IL15: variants seen among roughly 807,000 people sequenced by gnomAD.
The protein encoded by IL15 is interleukin-15.
Under a neutral mutation model 19.6 loss-of-function variants are expected in IL15, and 11 were observed. The ratio of observed to expected loss-of-function variants is 0.56; its 90% CI spans 0.35 to 0.93. The LOEUF (loss-of-function observed/expected upper bound fraction) is 0.93, where lower values mean the gene tolerates loss of function less well. IL15 is among the 40% of genes least tolerant of loss of function. The pLI is 0.01. For missense variants in IL15, 197 were observed against 186.5 expected, an observed-to-expected ratio of 1.06 and a Z score of -0.33; for synonymous variants, 58 against 59.6, an observed-to-expected ratio of 0.97 and a Z score of 0.12.
rs1319648846 is a variant in IL15, at chr4:141,720,507, G to A, written c.51G>A (p.Leu17=). ...HLRSISIQCY[L]CLLLNSHFLT... is the part of the protein sequence containing the mutation. ...GAAGTATTTCCATCCAGTGCTACTT[G>A]TGTTTACTTCTAAACAGTCATTTTC... The change falls in exon 4 of 8, where the codon TTG becomes TTA. Residue 17 remains leucine, a synonymous_variant. Coordinates refer to ENST00000320650, the MANE Select transcript of IL15 (RefSeq NM_000585.5). 1.2e-6 allele frequency: 2 copies of A among 1,600,790 alleles called. No homozygotes were observed. The highest frequency in any genetic ancestry group is 2.2e-5 in the South Asian group (2 of 90,662).
intron 2 of IL15, among the ~76,000 whole-genome samples, chr4:141,674,889 T>G (rs1278313269): frequency 6.6e-6 from 1 of 152,136 alleles, no homozygotes; most frequent in Non-Finnish European, 1.5e-5. Flanking sequence ...ATTACTTATA[T>G]CATAGTTCTG....
intron 1 of IL15, among the ~76,000 whole-genome samples, chr4:141,642,337 C>T (rs949347976): frequency 1.3e-5 from 2 of 152,122 alleles, no homozygotes; most frequent in African/African-American, 4.8e-5. Flanking sequence ...ATGGAAGTAA[C>T]GGATCTTGAA....
chr4:141,641,328 A>T (rs1727034523), intron 1 of IL15, among the ~76,000 whole-genome samples: 1 of 152,302 alleles, frequency 6.6e-6, no homozygotes, highest in South Asian at 2.1e-4. Flanking sequence ...TTGATAAGTG[A>T]TTATTAAGCA....
chr4:141,728,448 T>C (rs1730341356), intron 6 of IL15, among the ~76,000 whole-genome samples: 2 of 152,158 alleles, frequency 1.3e-5, no homozygotes, highest in Non-Finnish European at 2.9e-5. Flanking sequence ...AGATTCTAAT[T>C]ATTCTCTATG....
chr4:141,671,721 T>G (rs1406129477), intron 2 of IL15, among the ~76,000 whole-genome samples: 2 of 152,054 alleles, frequency 1.3e-5, no homozygotes, highest in African/African-American at 4.8e-5. Flanking sequence ...GGACCTAGAG[T>G]TGGAAGTCAC....
Position 141,656,104 on chromosome 4 carries a change from T to C in IL15, c.-221-82T>C. ...TTTTTTTATAGCATGATCAGGTATGTAGGTAACCATAAATCTGAGGAAGGG... is the reference window on the plus strand; with the variant it reads ...TTTTTTTATAGCATGATCAGGTATGCAGGTAACCATAAATCTGAGGAAGGG... On this transcript the variant is annotated intron_variant, in intron 1 of 7. Coordinates refer to ENST00000320650, the MANE Select transcript of IL15 (RefSeq NM_000585.5). 4 of 396,574 alleles carry C rather than the reference T, an allele frequency of 1.0e-5. No individual in the cohort carries two copies. In the East Asian group the frequency reaches 1.4e-4, roughly 14 times the overall value. 24.6% of individuals were successfully genotyped at this position (396,574 alleles called of 1,614,324 possible).
At chr4:141,661,392 A>G (rs1395102619) in intron 2 of IL15, among the ~76,000 whole-genome samples, 1 of 152,186 alleles carries the variant, frequency 6.6e-6, no homozygotes, top group Non-Finnish European at 1.5e-5. Flanking sequence ...CAGAAAGCAC[A>G]TCTTTTAAAA....
rs150243746 is a variant in IL15 at position 141,728,892 on chromosome 4, G to T, written c.240+908G>T. ...TTCAGCATCCTGAAATTGCTTTTTT[G>T]CAAGAAGATAACTTTGCAACCCATG... On this transcript the variant is annotated intron_variant, in intron 6 of 7. Transcript: ENST00000320650. Among the ~76,000 whole-genome samples, 484 of 152,082 alleles carry T rather than the reference G, an allele frequency of 3.2e-3. 4 individuals carry two copies. Among genetic ancestry groups the T allele is most frequent in the African/African-American group, 0.011 (467 of 41,502 alleles).
At chr4:141,722,250 C>A (rs1023741094) in intron 5 of IL15, among the ~76,000 whole-genome samples, 2 of 152,136 alleles carry the variant, frequency 1.3e-5, no homozygotes, top group Non-Finnish European at 2.9e-5. Flanking sequence ...GTGAGGTATT[C>A]TCTTCCTCTA....
intron 2 of IL15, 70 bp downstream of exon 2, chr4:141,656,377 G>C (rs1307690146): frequency 2.5e-6 from 1 of 395,882 alleles, no homozygotes; most frequent in Non-Finnish European, 4.4e-6. Context: ...CTAATAATAA[G>C]GAAAATGTGG....
At chr4:141,702,359 T>A (rs1220180939) in intron 2 of IL15, among the ~76,000 whole-genome samples, 1 of 152,230 alleles carries the variant, frequency 6.6e-6, no homozygotes, top group Non-Finnish European at 1.5e-5. Context: ...TACCAGACTC[T>A]GGGCTGGTGA....
Position 141,662,461 on chromosome 4 carries a change from T to G in IL15, c.-100+6154T>G, listed in dbSNP as rs75487425. On this transcript the variant is annotated intron_variant, in intron 2 of 7. Coordinates refer to ENST00000320650, the MANE Select transcript of IL15 (RefSeq NM_000585.5). ...TAATAAGGCTACCTGCGTTAAAGTC[T>G]GCTTTGTTATTAATATAGCTACCTC... Among the ~76,000 whole-genome samples, 1,482 of 152,356 alleles carry G rather than the reference T, an allele frequency of 9.7e-3. 24 individuals carry two copies. Among genetic ancestry groups the G allele is most frequent in the African/African-American group, 0.034 (1,425 of 41,584 alleles).
chr4:141,668,725 G>T (rs1728075533), intron 2 of IL15, among the ~76,000 whole-genome samples: 1 of 152,020 alleles, frequency 6.6e-6, no homozygotes. Flanking sequence ...TCTCCTAAGG[G>T]CAACCTCCTG....
chr4:141,709,404 C>T (rs148806405), intron 2 of IL15, among the ~76,000 whole-genome samples: 4 of 152,176 alleles, frequency 2.6e-5, no homozygotes, highest in African/African-American at 9.6e-5. Context: ...TTAAAATTTG[C>T]CCTAGGCATT....
intron 2 of IL15, chr4:141,715,154 T>TTA (rs1579045987): frequency 6.6e-6 from 1 of 152,162 alleles, no homozygotes; most frequent in East Asian, 1.9e-4. Context: ...GCAATCTGTC[T>TTA]GGAAATTATA....
intron 2 of IL15, among the ~76,000 whole-genome samples, chr4:141,698,971 T>C (rs1303421532): frequency 6.6e-6 from 1 of 152,100 alleles, no homozygotes; most frequent in Non-Finnish European, 1.5e-5. Context: ...TTAATGCTAT[T>C]AACTTTCTTC....
At chr4:141,719,211 C>T (rs1729989642) in intron 2 of IL15, 155 bp from the exon 3 acceptor site, 7 of 350,688 alleles carry the variant, frequency 2.0e-5, no homozygotes, top group Non-Finnish European at 3.6e-5. Context: ...ACTAACCTTC[C>T]TCCATACCAT....
At chr4:141,707,487 T>C (rs1284578715) in intron 2 of IL15, among the ~76,000 whole-genome samples, 1 of 152,214 alleles carries the variant, frequency 6.6e-6, no homozygotes, top group African/African-American at 2.4e-5. Flanking sequence ...GTCTCTGCAT[T>C]GATACTTGTT....
chr4:141,661,105 A>G (rs1299890491), intron 2 of IL15, among the ~76,000 whole-genome samples: 1 of 152,206 alleles, frequency 6.6e-6, no homozygotes, highest in East Asian at 1.9e-4. Flanking sequence ...AACTAGGTCA[A>G]GCAAAACCCA....
Sources: allele counts gnomAD v4.1 joint callset (sites outside exome capture counted in the v4.1 genomes callset), GRCh38; gene constraint gnomAD v4.1.1; transcripts MANE v1.5; gene names NCBI Gene and HGNC (gene_info 2026-07-23, HGNC 2026-07-21).